The following TENM4 variants were observed in gnomAD, a reference collection of about 807,000 sequenced individuals.
The protein encoded by TENM4 is teneurin-4.
In TENM4, 82 loss-of-function variants were observed where a neutral mutation model predicts 243.3. The ratio of observed to expected loss-of-function variants is 0.34; its 90% CI spans 0.28 to 0.40. The LOEUF is 0.40. Ranked by LOEUF, TENM4 falls within the 10% of genes least tolerant of loss-of-function variation. The pLI is 1.00. For synonymous variants in TENM4, 1,412 were observed against 1,456.3 expected, an observed-to-expected ratio of 0.97 and a Z score of 0.69; for missense variants, 3,138 against 3,673.3, an observed-to-expected ratio of 0.85 and a Z score of 3.77.
At position 78,669,933 on chromosome 11, in the gene TENM4, C is replaced by G; in HGVS notation, c.6412G>C (p.Val2138Leu). Reference protein sequence around the residue: ...YDINQIITTAVMTHTKHFDAY... With the variant: ...YDINQIITTALMTHTKHFDAY... ...TCAAAATGCTTGGTGTGGGTCATGA[C>G]AGCTGTGGTGATGATCTGGTTAATG... Residue 2138 changes from valine to leucine, a missense_variant, in exon 32 of 34, where the codon GTC becomes CTC. Around this residue, in one of 2 missense-constraint regions of TENM4, gnomAD observed 2,467 missense variants for 3,059.1 expected, o/e 0.81. Coordinates refer to ENST00000278550, the MANE Select transcript of TENM4 (RefSeq NM_001098816.3). This position sits in a 1 kb window ranked among gnomAD's most constrained non-coding sequence, Gnocchi z 6.4. 6.2e-7 allele frequency: 1 copy of G among 1,613,808 alleles called. No individual in the cohort carries two copies. The highest frequency in any genetic ancestry group is 8.5e-7 in the Non-Finnish European group (1 of 1,179,842).
In TENM4 at chr11:79,265,142, T is replaced by C. The variant is rs564440244; in HGVS notation, c.-265+32346A>G. Among the ~76,000 whole-genome samples, 4 of 152,306 alleles carry C rather than the reference T, an allele frequency of 2.6e-5. No individual in the cohort carries two copies. In the South Asian group the frequency reaches 8.3e-4, roughly 32 times the overall value. ...CCCCGGACAAACTGACAGATCTCAGTTCCTTTTAGATGGCTAGCTCACTGC... is the reference window on the plus strand; with the variant it reads ...CCCCGGACAAACTGACAGATCTCAGCTCCTTTTAGATGGCTAGCTCACTGC... On this transcript the variant is annotated intron_variant, in intron 2 of 33. Coordinates refer to ENST00000278550, the MANE Select transcript of TENM4 (RefSeq NM_001098816.3).
intron 6 of TENM4, among the ~76,000 whole-genome samples, chr11:78,904,440 G>A (rs1002194451): frequency 2.8e-4 from 43 of 151,560 alleles, no homozygotes; most frequent in African/African-American, 1.0e-3. Flanking sequence ...GAAGGGGACT[G>A]TGGCCTGTGT....
intron 18 of TENM4, 43 bp from the exon 19 acceptor site, chr11:78,757,064 A>G: frequency 6.4e-7 from 1 of 1,565,000 alleles, no homozygotes. Context: ...GCTATGTTCA[A>G]TCAGCCATGT....
intron 2 of TENM4, among the ~76,000 whole-genome samples, chr11:79,237,127 C>T (rs1864489685): frequency 6.6e-6 from 1 of 152,180 alleles, no homozygotes; most frequent in Non-Finnish European, 1.5e-5. Context: ...AAACTAAGAA[C>T]ATTGACTGAG....
chr11:78,779,431 A>C (rs1047275065), intron 16 of TENM4, among the ~76,000 whole-genome samples: 2 of 152,206 alleles, frequency 1.3e-5, no homozygotes, highest in African/African-American at 2.4e-5. Context: ...GTTGTATCCA[A>C]GCCTTGAGTT....
At chr11:79,235,421 C>A (rs1357977665) in intron 2 of TENM4, among the ~76,000 whole-genome samples, 1 of 152,144 alleles carries the variant, frequency 6.6e-6, no homozygotes, top group Non-Finnish European at 1.5e-5. Flanking sequence ...AGACCTGGGA[C>A]GGATGAAGCT....
intron 3 of TENM4, among the ~76,000 whole-genome samples, chr11:79,196,541 C>A (rs1863631423): frequency 6.6e-6 from 1 of 152,090 alleles, no homozygotes; most frequent in African/African-American, 2.4e-5. Context: ...AGAGTAGTGC[C>A]TGTGTCTGAG....
At chr11:79,105,358 CA>C (rs1861340343) in intron 4 of TENM4, among the ~76,000 whole-genome samples, 2 of 152,310 alleles carry the variant, frequency 1.3e-5, no homozygotes, top group Admixed American at 1.3e-4. Flanking sequence ...AGTTTGGAAA[CA>C]CAGGAACAAA....
intron 6 of TENM4, among the ~76,000 whole-genome samples, chr11:78,914,946 A>C (rs912222831): frequency 6.6e-6 from 1 of 152,184 alleles, no homozygotes; most frequent in Non-Finnish European, 1.5e-5. Flanking sequence ...CATCAGATGG[A>C]GTGAACTCCC....
chr11:79,097,457 C>T (rs1290549874), intron 4 of TENM4: 2 of 152,200 alleles, frequency 1.3e-5, no homozygotes, highest in Admixed American at 6.5e-5. Flanking sequence ...TCCCCTCCCT[C>T]CTTTGGGCTG....
intron 1 of TENM4, among the ~76,000 whole-genome samples, chr11:79,354,514 T>C (rs1857465791): frequency 6.6e-6 from 1 of 152,240 alleles, no homozygotes; most frequent in South Asian, 2.1e-4. Flanking sequence ...GTCTGTCTGC[T>C]TCAAAGCTTA....
intron 2 of TENM4, among the ~76,000 whole-genome samples, chr11:79,218,242 C>CCG (rs1864094600): frequency 6.9e-6 from 1 of 145,114 alleles, no homozygotes; most frequent in Non-Finnish European, 1.5e-5. Flanking sequence ...CCACCCACCC[C>CCG]CGACACACAC....
intron 17 of TENM4, among the ~76,000 whole-genome samples, chr11:78,771,378 T>C (rs558392354): frequency 6.6e-6 from 1 of 152,272 alleles, no homozygotes; most frequent in South Asian, 2.1e-4. Context: ...GGGACAGGGC[T>C]GAAACCCACA....
intron 6 of TENM4, among the ~76,000 whole-genome samples, chr11:79,053,713 T>A (rs1859862787): frequency 1.3e-5 from 2 of 152,176 alleles, no homozygotes; most frequent in South Asian, 4.1e-4. Context: ...GAAGGTCTGG[T>A]CATCCCTAAG....
rs536200400 is a variant in TENM4, at chr11:79,044,854, A to C, written c.493+19884T>G. On this transcript the variant is annotated intron_variant, in intron 6 of 33. Coordinates refer to ENST00000278550, the MANE Select transcript of TENM4 (RefSeq NM_001098816.3). ...ATTTGTATCCCCGGGGCCTGATCCT[A>C]CGGATGCACTCAATAAATGGATGCT... Among the ~76,000 whole-genome samples, 2 of 152,316 alleles carry C rather than the reference A, an allele frequency of 1.3e-5. 1 individual carries two copies. Among genetic ancestry groups the C allele is most frequent in the South Asian group, 4.1e-4 (2 of 4,820 alleles).
chr11:78,788,676 G>A (rs1856989559), intron 15 of TENM4, among the ~76,000 whole-genome samples: 1 of 152,248 alleles, frequency 6.6e-6, no homozygotes, highest in South Asian at 2.1e-4. Flanking sequence ...AGCAACTCAA[G>A]AAAGGTTTCC....
At chr11:79,066,594 G>C (rs1272764970) in intron 5 of TENM4, among the ~76,000 whole-genome samples, 2 of 151,310 alleles carry the variant, frequency 1.3e-5, no homozygotes, top group Non-Finnish European at 2.9e-5. Context: ...ATGCACACAA[G>C]CACACACGCG....
intron 9 of TENM4, among the ~76,000 whole-genome samples, chr11:78,866,255 A>T (rs1234858532): frequency 6.6e-6 from 1 of 152,212 alleles, no homozygotes; most frequent in Non-Finnish European, 1.5e-5. Flanking sequence ...GACGAATCAG[A>T]TATATGCAGC....
chr11:78,999,079 A>T (rs571375440), intron 6 of TENM4, among the ~76,000 whole-genome samples: 22 of 152,356 alleles, frequency 1.4e-4, no homozygotes, highest in Admixed American at 1.0e-3. Flanking sequence ...GTCTCTGTCC[A>T]TCTGTCCATT....
Sources: gnomAD v4.1 joint callset for allele counts (sites outside exome capture counted in the v4.1 genomes callset) on GRCh38, gnomAD v4.1.1 for gene constraint, gnomAD v4.1.1 regional missense constraint, Gnocchi (gnomAD v3.1) non-coding constraint, MANE v1.5 for transcripts, NCBI Gene and HGNC (gene_info 2026-07-23, HGNC 2026-07-21) for gene names.